Variants in ELAC2 observed in about 807,000 individuals in gnomAD.
The protein encoded by ELAC2 is zinc phosphodiesterase ELAC protein 2.
ELAC2 carries 92 observed loss-of-function variants against 105.2 expected under a neutral mutation model. The ratio of observed to expected loss-of-function variants is 0.87; its 90% CI spans 0.74 to 1.04. ELAC2 has a LOEUF of 1.04. Ranked by LOEUF, ELAC2 falls within the 50% of genes least tolerant of loss-of-function variation. ELAC2 has a pLI of 0.00. For synonymous variants in ELAC2, 468 were observed against 409.1 expected (o/e 1.14, Z -1.74); for missense variants, 1,099 against 1,071.7 (o/e 1.03, Z -0.36).
intron 8 of ELAC2, chr17:13,006,258 A>T (rs2143629868): frequency 4.8e-6 from 2 of 416,908 alleles, no homozygotes; most frequent in Non-Finnish European, 9.0e-6. Flanking sequence ...TAATCCCAGC[A>T]ACTCAGGAAG....
In ELAC2 at chr17:13,011,772, C is replaced by G; in HGVS notation, c.570G>C (p.Arg190Ser). 6.2e-7 allele frequency: 1 copy of G among 1,614,186 alleles called. No individual in the cohort carries two copies. The highest frequency in any genetic ancestry group is 8.5e-7 in the Non-Finnish European group (1 of 1,180,040). The change falls in exon 7 of 24, where the codon AGG (arginine) becomes AGC (serine). Residue 190 changes from arginine (R) to serine (S), a missense_variant. Coordinates refer to ENST00000338034, the MANE Select transcript of ELAC2 (RefSeq NM_018127.7). ...TCTGCCATGGTTGGTGCTTTCCCCT[C>G]CTCTGTTCACCTGGTCAGTACAGAT... is the stretch of plus-strand genomic sequence containing the variant. ...VYQIPIHSEQ[R>S]RGKHQPWQSP...
chr17:12,992,420 A>C lies in ELAC2; in HGVS notation c.*398T>G. ...AAACTCAATCTTTATTGCAGCTGAA[A>C]TACTATTTTCGTTAAGTCTCGGACA... On this transcript the variant is annotated 3_prime_UTR_variant, in exon 24 of 24. Coordinates refer to ENST00000338034, the MANE Select transcript of ELAC2 (RefSeq NM_018127.7). The C allele has an allele frequency of 5.4e-6, 2 of 371,270 alleles. No homozygotes were observed. Among genetic ancestry groups the C allele is most frequent in the Non-Finnish European group, 1.0e-5 (2 of 199,212 alleles). 23.0% of individuals were successfully genotyped at this position (371,270 alleles called of 1,614,324 possible).
At chr17:13,002,830 A>G in intron 12 of ELAC2, 1 of 566,790 alleles carries the variant, frequency 1.8e-6, no homozygotes, top group South Asian at 2.0e-5. Flanking sequence ...GAAGATGTCC[A>G]GGGCATACAA....
intron 2 of ELAC2, 21 bp downstream of exon 2, chr17:13,017,050 G>GA: frequency 3.1e-6 from 5 of 1,613,924 alleles, no homozygotes; most frequent in Non-Finnish European, 4.2e-6. Context: ...CTCCCCCTCC[G>GA]AAAGCAAGAG....
At chr17:13,002,780 T>C in intron 12 of ELAC2, 1 of 780,852 alleles carries the variant, frequency 1.3e-6, no homozygotes, top group Admixed American at 2.1e-5. Flanking sequence ...CAGCTGCCTT[T>C]CAGGTGTGCT....
Position 13,005,951 on chromosome 17 carries a change from AC to A in ELAC2, c.766del (p.Val256CysfsTer54), listed in dbSNP as rs2041085400. The A allele has an allele frequency of 6.2e-7, 1 of 1,614,238 alleles. No homozygotes were observed. The highest frequency in any genetic ancestry group is 1.3e-5 in the African/African-American group (1 of 75,060). On this transcript the variant is annotated frameshift_variant, in exon 9 of 24. Transcript: ENST00000338034. LOFTEE classifies it high-confidence loss of function. ...KLHLKRGNFL[V>X]LKAKEMGLPV... The stretch of plus-strand genomic sequence containing the variant: ...GAGGCCCATCTCCTTTGCTTTGAGC[AC>A]CAAGAAGTTTCCTCTCTTTAAGTGA...
intron 19 of ELAC2, 75 bp downstream of exon 19, chr17:12,995,627 CA>C (rs1567743843): frequency 7.1e-7 from 1 of 1,400,684 alleles, no homozygotes; most frequent in East Asian, 2.5e-5. Flanking sequence ...GTAACTACCC[CA>C]GTGTCCACCT....
At chr17:13,003,395 C>A in intron 12 of ELAC2, 84 bp downstream of exon 12, 1 of 1,298,306 alleles carries the variant, frequency 7.7e-7, no homozygotes, top group South Asian at 1.2e-5. Context: ...GTAGGTAGCG[C>A]TGGAAAGAGC....
chr17:13,014,367 G>T, intron 5 of ELAC2, 72 bp downstream of exon 5: 1 of 1,142,238 alleles, frequency 8.8e-7, no homozygotes, highest in Non-Finnish European at 1.3e-6. Context: ...GTTTTTAATG[G>T]ATTCTAATTT....
intron 12 of ELAC2, 156 bp from the exon 13 acceptor site, chr17:13,002,735 A>T: frequency 8.2e-7 from 1 of 1,217,344 alleles, no homozygotes; most frequent in Non-Finnish European, 1.2e-6. Context: ...ACATGGTCCC[A>T]CTCCTGCTGT....
chr17:12,993,795 CA>C lies in ELAC2; in HGVS notation c.2144del (p.Met715ArgfsTer8), dbSNP rs1230021596. 5.6e-6 allele frequency: 9 copies of C among 1,614,090 alleles called. No individual in the cohort carries two copies. The highest frequency in any genetic ancestry group is 6.8e-6 in the Non-Finnish European group (8 of 1,180,052). The part of the protein sequence containing the change: ...TSQAISVGMR[M>X]NAEFIMLNHF... The stretch of plus-strand genomic sequence containing the variant: ...GGTTCAGCATAATGAACTCCGCGTT[CA>C]TCCGCATCCCCACGCTGATGGCTTG... On this transcript the variant is annotated frameshift_variant, in exon 23 of 24. Transcript: ENST00000338034. LOFTEE classifies it high-confidence loss of function.
Position 13,000,167 on chromosome 17 carries a change from G to A in ELAC2, c.1412C>T (p.Pro471Leu). Reference protein sequence around the residue: ...QEYRRSAQDGPAPAEKRSQYP... With the variant: ...QEYRRSAQDGLAPAEKRSQYP... ...GGGCTCCCACTCACCTGCTGGGGCTGGGCCGTCCTGCGCACTCCTCCTGTA... is the reference window on the plus strand; with the variant it reads ...GGGCTCCCACTCACCTGCTGGGGCTAGGCCGTCCTGCGCACTCCTCCTGTA... Residue 471 changes from proline to leucine, a missense_variant, in exon 15 of 24, where the codon CCA becomes CTA. By Grantham distance (98) the Pro-to-Leu change is moderately conservative (BLOSUM62 -3). Coordinates refer to ENST00000338034, the MANE Select transcript of ELAC2 (RefSeq NM_018127.7). 3 of 1,613,546 alleles carry A rather than the reference G, an allele frequency of 1.9e-6. No homozygotes were observed. In the African/African-American group the frequency reaches 4.0e-5, roughly 22 times the overall value.
rs115388422 is a variant in ELAC2, at chr17:13,013,039, T to A, written c.559+168A>T. On this transcript the variant is annotated intron_variant, in intron 6 of 23. Transcript: ENST00000338034. ...GGCATAAGTCAGACATCCGTAAGTT[T>A]ATAAGCCAGGGCAGGAGCCATATCT... Among the ~76,000 whole-genome samples the A allele has an allele frequency of 6.5e-3, 997 of 152,348 alleles. 10 individuals carry two copies. Among genetic ancestry groups the A allele is most frequent in the African/African-American group, 0.023 (949 of 41,570 alleles).
chr17:12,996,000 T>C (rs755851333), intron 17 of ELAC2, 22 bp from the exon 18 acceptor site: 7 of 1,585,182 alleles, frequency 4.4e-6, no homozygotes, highest in Middle Eastern at 1.7e-4. Flanking sequence ...ACAGGAGACA[T>C]GCGTCAGCCA....
chr17:12,991,755 C>T lies in ELAC2; in HGVS notation c.*1063G>A, dbSNP rs913703841. ...CACCTGTGTAAAGCCAGGTCCCTGG[C>T]TGATCTCTCGCTTGCTTGTCTTTTG... is the stretch of plus-strand genomic sequence containing the variant. On this transcript the variant is annotated 3_prime_UTR_variant, in exon 24 of 24. Transcript: ENST00000338034. 1 of 212,852 alleles carries T rather than the reference C, an allele frequency of 4.7e-6. No homozygotes were observed. The highest frequency in any genetic ancestry group is 9.5e-6 in the Non-Finnish European group (1 of 104,982). 13.2% of individuals were successfully genotyped at this position (212,852 alleles called of 1,614,324 possible).
chr17:13,002,424 C>G lies in ELAC2; in HGVS notation c.1218+17G>C. 1 of 1,613,682 alleles carries G rather than the reference C, an allele frequency of 6.2e-7. No homozygotes were observed. Among genetic ancestry groups the G allele is most frequent in the Non-Finnish European group, 8.5e-7 (1 of 1,179,822 alleles). ...GGACGAGAGCTGGGCCGACAAGGGG[C>G]CGGTCTGAGACACTACCTTACAGCG... On this transcript the variant is annotated intron_variant, in intron 13 of 23. Coordinates refer to ENST00000338034, the MANE Select transcript of ELAC2 (RefSeq NM_018127.7).
chr17:13,017,755 C>G lies in ELAC2; in HGVS notation c.193G>C (p.Ala65Pro). ...PNTVYLQVVA[A>P]GSRDSGAALY... Reference sequence around the variant, plus strand: ...GCGGCGCCCGAGTCCCGGCTACCCGCTGCCACCACCTGCAGGTACACGGTG... The same window carrying G: ...GCGGCGCCCGAGTCCCGGCTACCCGGTGCCACCACCTGCAGGTACACGGTG... The change falls in exon 1 of 24, where the codon GCG becomes CCG. Residue 65 changes from alanine (A) to proline (P), a missense_variant. By Grantham distance (27) the Ala-to-Pro change is conservative. Coordinates refer to ENST00000338034, the MANE Select transcript of ELAC2 (RefSeq NM_018127.7). The G allele has an allele frequency of 1.2e-6, 2 of 1,611,698 alleles. No individual in the cohort carries two copies. The highest frequency in any genetic ancestry group is 2.2e-5 in the South Asian group (2 of 90,806).
At chr17:13,016,777 C>T (rs950367427) in intron 3 of ELAC2, 85 bp downstream of exon 3, 11 of 1,333,176 alleles carry the variant, frequency 8.3e-6, no homozygotes, top group Non-Finnish European at 1.2e-5. Flanking sequence ...AGTAGCTGCC[C>T]ACCCCAGACT....
chr17:13,017,017 C>T, intron 2 of ELAC2, 54 bp downstream of exon 2: 2 of 1,612,226 alleles, frequency 1.2e-6, no homozygotes, highest in South Asian at 1.1e-5. Context: ...CCTCTCATTT[C>T]GGCTTTCAAG....
Sources: allele counts gnomAD v4.1 joint callset (sites outside exome capture counted in the v4.1 genomes callset), GRCh38; gene constraint gnomAD v4.1.1; transcripts MANE v1.5; gene names NCBI Gene and HGNC (gene_info 2026-07-23, HGNC 2026-07-21).